The following NR3C2 variants were observed in gnomAD, a reference collection of about 807,000 sequenced individuals.
The protein encoded by NR3C2 is mineralocorticoid receptor.
In NR3C2, 15 loss-of-function variants were observed where a neutral mutation model predicts 86.4. That is an observed-to-expected ratio of 0.17 (90% CI 0.12 to 0.27). The LOEUF is 0.27. NR3C2 is among the 10% of genes least tolerant of loss of function. The pLI is 1.00. For missense variants in NR3C2, 960 were observed against 1,195.6 expected (o/e 0.80, Z 2.91); for synonymous variants, 458 against 450.5 (o/e 1.02, Z -0.21).
intron 2 of NR3C2, among the ~76,000 whole-genome samples, chr4:148,336,366 G>A (rs1246324767): frequency 6.6e-6 from 1 of 152,180 alleles, no homozygotes; most frequent in African/African-American, 2.4e-5. Context: ...CCCATGCCCA[G>A]GAGGGCTCCA....
At chr4:148,149,329 C>T (rs1385190293) in intron 6 of NR3C2, among the ~76,000 whole-genome samples, 1 of 152,024 alleles carries the variant, frequency 6.6e-6, no homozygotes, top group African/African-American at 2.4e-5. Context: ...GACAAATACA[C>T]AAAGCTTATA....
chr4:148,114,381 T>A (rs1186814849), intron 7 of NR3C2, 120 bp from the exon 8 acceptor site: 1 of 1,050,996 alleles, frequency 9.5e-7, no homozygotes, highest in African/African-American at 1.6e-5. Flanking sequence ...ATTGCATTTA[T>A]GAATAAATAT....
At chr4:148,187,700 T>C (rs1735995040) in intron 4 of NR3C2, among the ~76,000 whole-genome samples, 1 of 152,236 alleles carries the variant, frequency 6.6e-6, no homozygotes, top group Non-Finnish European at 1.5e-5. Flanking sequence ...TTCCTTTCGC[T>C]GTGCAAAAGC....
intron 3 of NR3C2, among the ~76,000 whole-genome samples, chr4:148,227,528 T>C (rs1738238256): frequency 6.6e-6 from 1 of 152,200 alleles, no homozygotes; most frequent in Non-Finnish European, 1.5e-5. Flanking sequence ...TCTTATATTT[T>C]CACCTACTAA....
chr4:148,209,499 T>C (rs560799260), intron 3 of NR3C2, among the ~76,000 whole-genome samples: 28 of 152,238 alleles, frequency 1.8e-4, no homozygotes, highest in African/African-American at 6.7e-4. Flanking sequence ...GGTCTGACTA[T>C]CGTGCACAGG....
chr4:148,390,430 G>A (rs1210624549), intron 2 of NR3C2, among the ~76,000 whole-genome samples: 1 of 152,118 alleles, frequency 6.6e-6, no homozygotes, highest in East Asian at 1.9e-4. Flanking sequence ...AGTGTGAGAC[G>A]GTAGCAAGAA....
chr4:148,296,196 T>C (rs868733130), intron 2 of NR3C2, among the ~76,000 whole-genome samples: 1 of 152,144 alleles, frequency 6.6e-6, no homozygotes, highest in Non-Finnish European at 1.5e-5. Flanking sequence ...TCTATCATTT[T>C]AAAAGATTAT....
intron 2 of NR3C2, among the ~76,000 whole-genome samples, chr4:148,376,038 TC>T (rs1358996235): frequency 6.6e-6 from 1 of 151,950 alleles, no homozygotes; most frequent in Non-Finnish European, 1.5e-5. Flanking sequence ...CTTTTCTACT[TC>T]AGTCCTTTAC....
intron 8 of NR3C2, among the ~76,000 whole-genome samples, chr4:148,092,843 G>A (rs954460832): frequency 4.3e-4 from 66 of 152,156 alleles, no homozygotes; most frequent in African/African-American, 1.5e-3. Flanking sequence ...GGGGAGGGTG[G>A]TCATAGCGAC....
intron 8 of NR3C2, among the ~76,000 whole-genome samples, chr4:148,104,341 G>GTTTTGGTTT (rs1553985370): frequency 1.1e-4 from 14 of 122,344 alleles, no homozygotes; most frequent in Middle Eastern, 4.3e-3. Context: ...GTTTTGGTTT[G>GTTTTGGTTT]GTTTTTTTTT....
Position 148,436,850 on chromosome 4 carries a change from T to C in NR3C2, c.11A>G (p.Lys4Arg), listed in dbSNP as rs1159747787. 6.2e-7 allele frequency: 1 copy of C among 1,609,480 alleles called. No homozygotes were observed. The highest frequency in any genetic ancestry group is 8.5e-7 in the Non-Finnish European group (1 of 1,179,576). Residue 4 changes from lysine to arginine, a missense_variant, in exon 2 of 9, where the codon AAA becomes AGA. Around this residue, in one of 4 missense-constraint regions of NR3C2, gnomAD observed 680 missense variants for 719.0 expected, o/e 0.95. Coordinates refer to ENST00000358102, the MANE Select transcript of NR3C2 (RefSeq NM_000901.5). METKGYHSLPEGLD... is the reference protein window; with the variant it reads METRGYHSLPEGLD... ...ACCTTCAGGGAGACTGTGGTAGCCT[T>C]TGGTCTCCATCGCTAACAAATAAAT... is the stretch of plus-strand genomic sequence containing the variant.
At chr4:148,140,856 G>C (rs72653805) in intron 6 of NR3C2, among the ~76,000 whole-genome samples, 5 of 152,018 alleles carry the variant, frequency 3.3e-5, no homozygotes, top group African/African-American at 1.2e-4. Flanking sequence ...TATTTGTTTT[G>C]CTTTAATTTC....
intron 2 of NR3C2, among the ~76,000 whole-genome samples, chr4:148,408,446 G>GT (rs1233412563): frequency 6.6e-6 from 1 of 152,164 alleles, no homozygotes; most frequent in East Asian, 1.9e-4. Context: ...TTTCAGTAGA[G>GT]TTTTATCTTG....
At chr4:148,415,699 A>ACT (rs1329519997) in intron 2 of NR3C2, among the ~76,000 whole-genome samples, 1 of 152,176 alleles carries the variant, frequency 6.6e-6, no homozygotes, top group African/African-American at 2.4e-5. Context: ...TCAGCCCAGA[A>ACT]CTCTCTACTT....
intron 8 of NR3C2, among the ~76,000 whole-genome samples, chr4:148,109,263 C>G (rs1731939944): frequency 6.6e-6 from 1 of 152,214 alleles, no homozygotes; most frequent in Non-Finnish European, 1.5e-5. Context: ...GAGCCCACAA[C>G]TCCACCTCCT....
chr4:148,281,477 A>G (rs1016618310), intron 2 of NR3C2, among the ~76,000 whole-genome samples: 3 of 152,250 alleles, frequency 2.0e-5, no homozygotes, highest in African/African-American at 2.4e-5. Flanking sequence ...AAATATATTT[A>G]CATTTCTTCC....
chr4:148,410,083 C>A lies in NR3C2; in HGVS notation c.1757+25021G>T, dbSNP rs1016362195. Among the ~76,000 whole-genome samples the A allele has an allele frequency of 3.9e-5, 6 of 151,972 alleles. No individual in the cohort carries two copies. The East Asian group carries it at 1.2e-3, about 29-fold the overall frequency. ...AGTACGTCACATAAAAAATTAGGTA[C>A]CTTTAAAAAACAATGTTTATTTTTC... On this transcript the variant is annotated intron_variant, in intron 2 of 8. Transcript: ENST00000358102.
At chr4:148,098,761 C>T (rs1731408553) in intron 8 of NR3C2, among the ~76,000 whole-genome samples, 1 of 152,176 alleles carries the variant, frequency 6.6e-6, no homozygotes, top group African/African-American at 2.4e-5. Flanking sequence ...TTTCTAGTCC[C>T]TTTATGACCT....
intron 4 of NR3C2, among the ~76,000 whole-genome samples, chr4:148,169,388 A>G (rs1305603246): frequency 6.6e-6 from 1 of 152,136 alleles, no homozygotes; most frequent in Non-Finnish European, 1.5e-5. Flanking sequence ...AGAAACACAT[A>G]TGATATATTA....
Sources: allele counts gnomAD v4.1 joint callset (sites outside exome capture counted in the v4.1 genomes callset), GRCh38; gene constraint gnomAD v4.1.1; regional missense constraint gnomAD v4.1.1; transcripts MANE v1.5; gene names NCBI Gene and HGNC (gene_info 2026-07-23, HGNC 2026-07-21).